GRIK3: variants seen among roughly 807,000 people sequenced by gnomAD.
GRIK3 encodes the protein glutamate ionotropic receptor kainate type subunit 3, also known as glutamate receptor ionotropic, kainate 3.
Under a neutral mutation model 102.5 loss-of-function variants are expected in GRIK3, and 29 were observed. The observed-to-expected ratio is 0.28, with a 90% confidence interval of 0.21 to 0.39. The LOEUF is 0.39. Ranked by LOEUF, GRIK3 falls within the 10% of genes least tolerant of loss-of-function variation. The probability of loss-of-function intolerance (pLI) is 1.00; values close to 1 mark genes in which losing one functional copy is unlikely to be tolerated. For missense variants in GRIK3, 908 were observed against 1,252.4 expected, an observed-to-expected ratio of 0.73 and a Z score of 4.15; for synonymous variants, 511 against 504.9, an observed-to-expected ratio of 1.01 and a Z score of -0.16.
intron 1 of GRIK3, among the ~76,000 whole-genome samples, chr1:36,955,095 A>T (rs507168): frequency 1.3e-5 from 2 of 152,146 alleles, no homozygotes; most frequent in East Asian, 3.9e-4. Flanking sequence ...CCCCAAGCAG[A>T]CTTCAGCAGT....
At chr1:36,937,037 C>T (rs897606571) in intron 1 of GRIK3, among the ~76,000 whole-genome samples, 29 of 152,272 alleles carry the variant, frequency 1.9e-4, no homozygotes, top group African/African-American at 6.7e-4. Context: ...ATCGGGCTGT[C>T]CTCTCCACCA....
At chr1:36,875,643 T>C (rs1640905444) in intron 3 of GRIK3, among the ~76,000 whole-genome samples, 1 of 152,212 alleles carries the variant, frequency 6.6e-6, no homozygotes, top group Non-Finnish European at 1.5e-5. Flanking sequence ...TGAATATACC[T>C]GCATTTCAGT....
In GRIK3 at chr1:36,879,551, C is replaced by T. The variant is rs142698224; in HGVS notation, c.550+1083G>A. On this transcript the variant is annotated intron_variant, in intron 3 of 15. Transcript: ENST00000373091. ...GAGATCCAAAGGAAAAGCCAGAGTG[C>T]GTTTGCTGGGTTTGTTGGTGGTTAT... 1.1e-4 allele frequency among the ~76,000 whole-genome samples: 17 copies of T among 152,236 alleles called. No individual in the cohort carries two copies. The East Asian group carries it at 1.7e-3, about 16-fold the overall frequency.
intron 5 of GRIK3, 78 bp downstream of exon 5, chr1:36,869,670 G>T (rs529644661): frequency 3.0e-5 from 33 of 1,109,160 alleles, no homozygotes; most frequent in Non-Finnish European, 4.0e-5. Flanking sequence ...TCAGTGGGCT[G>T]GCCCAGGCTA....
chr1:37,004,925 C>G (rs1293318910), intron 1 of GRIK3, among the ~76,000 whole-genome samples: 9 of 152,238 alleles, frequency 5.9e-5, no homozygotes, highest in Admixed American at 5.9e-4. Flanking sequence ...GAAGTCAGCA[C>G]CATCAACGGC....
intron 13 of GRIK3, among the ~76,000 whole-genome samples, chr1:36,811,482 A>G (rs1034383594): frequency 1.3e-5 from 2 of 152,232 alleles, no homozygotes; most frequent in Admixed American, 6.5e-5. Context: ...TGGGCTGCAC[A>G]GGCCTGTGTA....
intron 1 of GRIK3, among the ~76,000 whole-genome samples, chr1:36,999,174 G>A (rs1351887859): frequency 6.6e-6 from 1 of 152,068 alleles, no homozygotes; most frequent in Non-Finnish European, 1.5e-5. Flanking sequence ...GGTGGGGTGA[G>A]TCAGTTACAC....
intron 1 of GRIK3, among the ~76,000 whole-genome samples, chr1:36,953,723 G>T (rs1182323917): frequency 1.3e-5 from 2 of 152,018 alleles, no homozygotes; most frequent in Non-Finnish European, 2.9e-5. Context: ...GAAGGTGCCA[G>T]CTGGGGCTGA....
intron 4 of GRIK3, among the ~76,000 whole-genome samples, chr1:36,871,554 T>G (rs759134776): frequency 2.6e-5 from 4 of 152,212 alleles, no homozygotes; most frequent in Non-Finnish European, 4.4e-5. Flanking sequence ...TGGTAGGCGA[T>G]TTCACTGTTT....
chr1:36,975,340 G>A (rs1008665206), intron 1 of GRIK3, among the ~76,000 whole-genome samples: 3 of 133,724 alleles, frequency 2.2e-5, no homozygotes, highest in Admixed American at 1.7e-4. Context: ...GCCCAGGCTC[G>A]AGTTAGTGCA....
rs150880888 is a variant in GRIK3 at position 36,932,404 on chromosome 1, C to T, written c.116-41308G>A. Among the ~76,000 whole-genome samples the T allele has an allele frequency of 1.8e-3, 271 of 152,280 alleles. 1 individual carries two copies. The highest frequency in any genetic ancestry group is 6.1e-3 in the African/African-American group (254 of 41,566). ...TGGGACTTGGATGTGCCACAGTCCC[C>T]TCTTGTACCAGAGTAGGAGGTGTAG... On this transcript the variant is annotated intron_variant, in intron 1 of 15. Transcript: ENST00000373091.
intron 5 of GRIK3, among the ~76,000 whole-genome samples, chr1:36,865,894 TAA>T (rs915709542): frequency 1.9e-4 from 29 of 152,302 alleles, no homozygotes; most frequent in African/African-American, 6.7e-4. Context: ...CTTTCTTTTT[TAA>T]AGTGACAGGG....
At chr1:36,895,948 T>C (rs938749504) in intron 1 of GRIK3, among the ~76,000 whole-genome samples, 3 of 152,108 alleles carry the variant, frequency 2.0e-5, no homozygotes, top group Non-Finnish European at 2.9e-5. Context: ...TCAGAAACCA[T>C]GCAAGCAAGA....
At chr1:36,861,431 T>C (rs1271358111) in intron 5 of GRIK3, among the ~76,000 whole-genome samples, 1 of 152,126 alleles carries the variant, frequency 6.6e-6, no homozygotes, top group African/African-American at 2.4e-5. Flanking sequence ...GCCCCCCACT[T>C]AGTCACTCCA....
intron 11 of GRIK3, among the ~76,000 whole-genome samples, chr1:36,820,800 A>AAT (rs1451636638): frequency 6.6e-6 from 1 of 152,326 alleles, no homozygotes; most frequent in Admixed American, 6.5e-5. Flanking sequence ...TGAATATACA[A>AAT]ATATATATAT....
At chr1:36,929,732 G>T (rs1157259528) in intron 1 of GRIK3, among the ~76,000 whole-genome samples, 1 of 152,198 alleles carries the variant, frequency 6.6e-6, no homozygotes, top group Non-Finnish European at 1.5e-5. Context: ...TTATTGTTGT[G>T]TAACAAATTG....
chr1:36,900,291 C>T (rs1278684441), intron 1 of GRIK3, among the ~76,000 whole-genome samples: 29 of 152,072 alleles, frequency 1.9e-4, no homozygotes, highest in Admixed American at 1.9e-3. Context: ...AATGCTCCTC[C>T]TCCCCCTCCT....
At chr1:36,966,190 C>A (rs1642076208) in intron 1 of GRIK3, among the ~76,000 whole-genome samples, 1 of 152,220 alleles carries the variant, frequency 6.6e-6, no homozygotes. Flanking sequence ...ATCTGTTATC[C>A]TGAGGGTTTG....
chr1:36,869,875 G>A, intron 4 of GRIK3, 74 bp from the exon 5 acceptor site: 3 of 1,116,456 alleles, frequency 2.7e-6, no homozygotes, highest in Middle Eastern at 4.0e-4. Context: ...ACCCAGGGCT[G>A]AGAATGGGAC....
Sources: gnomAD v4.1 joint callset for allele counts (sites outside exome capture counted in the v4.1 genomes callset) on GRCh38, gnomAD v4.1.1 for gene constraint, MANE v1.5 for transcripts, NCBI Gene and HGNC (gene_info 2026-07-23, HGNC 2026-07-21) for gene names.